The following NDRG1 variants were observed in gnomAD, a reference collection of about 807,000 sequenced individuals.
NDRG1 encodes the protein N-myc downstream regulated 1.
A neutral mutation model predicts 56.9 loss-of-function variants in NDRG1; 32 were observed. The observed-to-expected ratio is 0.56, with a 90% CI of 0.42 to 0.76. The LOEUF (loss-of-function observed/expected upper bound fraction) is 0.76. Ranked by LOEUF, NDRG1 falls within the 30% of genes least tolerant of loss-of-function variation. The pLI is 0.00. For synonymous variants in NDRG1, 211 were observed against 204.1 expected (o/e 1.03, Z -0.29); for missense variants, 507 against 545.7 (o/e 0.93, Z 0.71).
intron 1 of NDRG1, among the ~76,000 whole-genome samples, chr8:133,290,335 C>T (rs1370690799): frequency 6.6e-6 from 1 of 152,186 alleles, no homozygotes; most frequent in African/African-American, 2.4e-5. Context: ...ACCACAAAAA[C>T]AGCACCAGGA....
chr8:133,259,998 G>A (rs977880603), intron 5 of NDRG1, among the ~76,000 whole-genome samples: 1 of 152,212 alleles, frequency 6.6e-6, no homozygotes, highest in Non-Finnish European at 1.5e-5. Flanking sequence ...GAGCCCGTAT[G>A]GTGTGGCTCC....
intron 3 of NDRG1, among the ~76,000 whole-genome samples, chr8:133,269,523 G>C (rs188841198): frequency 1.3e-5 from 2 of 152,136 alleles, no homozygotes; most frequent in Non-Finnish European, 2.9e-5. Context: ...TTAAATACAC[G>C]GAACAACCAT....
rs1564288657 is a variant in NDRG1 at position 133,258,305 on chromosome 8, TCTTC to T, written c.450+57_450+60del. 2.0e-6 allele frequency: 3 copies of T among 1,521,684 alleles called. No individual in the cohort carries two copies. In the African/African-American group the frequency reaches 4.1e-5, roughly 21 times the overall value. 94.3% of individuals were successfully genotyped at this position (1,521,684 alleles called of 1,614,324 possible). ...TTGGGTTTTTGATGCTTTTCCAATG[TCTTC>T]CTTCATCTTAAAATGTTATTTAAAA... On this transcript the variant is annotated intron_variant, in intron 7 of 15. Coordinates refer to ENST00000323851, the MANE Select transcript of NDRG1 (RefSeq NM_006096.4).
At chr8:133,248,824 T>A in intron 10 of NDRG1, 53 bp from the exon 11 acceptor site, 1 of 1,602,500 alleles carries the variant, frequency 6.2e-7, no homozygotes, top group Non-Finnish European at 8.5e-7. Context: ...TGGAGAAATC[T>A]CCCACTCCCA....
At chr8:133,297,001 C>T in intron 1 of NDRG1, 133 bp downstream of exon 1, 1 of 160,620 alleles carries the variant, frequency 6.2e-6, no homozygotes, top group South Asian at 1.4e-4. Flanking sequence ...GGTGACCGCG[C>T]ACTTGCAGCT....
intron 9 of NDRG1, among the ~76,000 whole-genome samples, chr8:133,252,644 C>G (rs576645703): frequency 6.6e-6 from 1 of 151,606 alleles, no homozygotes; most frequent in Non-Finnish European, 1.5e-5. Context: ...CCCTCGTACA[C>G]TCGCCAACTC....
At chr8:133,295,507 C>T (rs114304522) in intron 1 of NDRG1, among the ~76,000 whole-genome samples, 2 of 152,244 alleles carry the variant, frequency 1.3e-5, no homozygotes, top group Non-Finnish European at 2.9e-5. Context: ...CACACAGAAC[C>T]GGTCTGCGTC....
At position 133,237,350 on chromosome 8, in the gene NDRG1, G is replaced by A. The variant is rs538507647; in HGVS notation, c.*1528C>T. 3 of 232,076 alleles carry A rather than the reference G, an allele frequency of 1.3e-5. No individual in the cohort carries two copies. The highest frequency in any genetic ancestry group is 2.2e-5 in the African/African-American group (1 of 45,264). The allele number at this position is 232,076 out of a possible 1,614,324, so 14.4% of individuals were successfully genotyped here. A position where few individuals can be genotyped will look rare whatever the true frequency, so the allele number is the denominator to read the frequency against. On this transcript the variant is annotated 3_prime_UTR_variant, in exon 16 of 16. Transcript: ENST00000323851. ...TCCAAGGTGATGGGCGGCAGGTAAC[G>A]AGTCATTGCCTCTCACGCCACCTGG...
chr8:133,296,495 T>G (rs767287126), intron 1 of NDRG1: 1 of 455,696 alleles, frequency 2.2e-6, no homozygotes, highest in South Asian at 1.5e-5. Context: ...CACACACGCT[T>G]ACACTCACAC....
chr8:133,288,986 C>A (rs1322481054), intron 1 of NDRG1, among the ~76,000 whole-genome samples: 1 of 152,204 alleles, frequency 6.6e-6, no homozygotes, highest in Non-Finnish European at 1.5e-5. Flanking sequence ...CGAAAGGTAG[C>A]CAGGAGCTGG....
At chr8:133,296,550 C>G in intron 1 of NDRG1, 1 of 456,192 alleles carries the variant, frequency 2.2e-6, no homozygotes. Flanking sequence ...GCGCCACCAG[C>G]CTCTCGGATC....
At chr8:133,279,840 C>T (rs1322462566) in intron 3 of NDRG1, among the ~76,000 whole-genome samples, 1 of 152,206 alleles carries the variant, frequency 6.6e-6, no homozygotes, top group Non-Finnish European at 1.5e-5. Context: ...GCCAGTAAAC[C>T]ACAGAGAAGG....
chr8:133,249,248 G>A, intron 10 of NDRG1: 1 of 235,326 alleles, frequency 4.2e-6, no homozygotes, highest in Admixed American at 5.1e-5. Context: ...AAACCCTGTG[G>A]TGGTTTCCCA....
intron 9 of NDRG1, among the ~76,000 whole-genome samples, chr8:133,250,783 C>T (rs992344586): frequency 1.3e-5 from 2 of 152,000 alleles, no homozygotes; most frequent in Non-Finnish European, 2.9e-5. Context: ...GGCCACACCC[C>T]ACCCTTCCAA....
intron 1 of NDRG1, among the ~76,000 whole-genome samples, chr8:133,293,461 G>A (rs1352538223): frequency 6.6e-6 from 1 of 152,150 alleles, no homozygotes; most frequent in Non-Finnish European, 1.5e-5. Flanking sequence ...ACTGGACTCT[G>A]GACAGAAGAG....
Position 133,256,823 on chromosome 8 carries a change from T to C in NDRG1, c.491A>G (p.Asn164Ser), listed in dbSNP as rs1856400751. Reference protein sequence around the residue: ...PEMVEGLVLINVNPCAEGWMD... With the variant: ...PEMVEGLVLISVNPCAEGWMD... Reference sequence around the variant, plus strand: ...CCAGCCTTCCGCACAAGGGTTCACGTTGATAAGGACAAGGCCCTCCACCAT... The same window carrying C: ...CCAGCCTTCCGCACAAGGGTTCACGCTGATAAGGACAAGGCCCTCCACCAT... The change falls in exon 8 of 16, where the codon AAC becomes AGC. Residue 164 changes from asparagine to serine, a missense_variant. Physicochemically the swap from Asn to Ser is conservative, Grantham distance 46 (BLOSUM62 1). Coordinates refer to ENST00000323851, the MANE Select transcript of NDRG1 (RefSeq NM_006096.4). 1 of 1,614,174 alleles carries C rather than the reference T, an allele frequency of 6.2e-7. No homozygotes were observed. The highest frequency in any genetic ancestry group is 8.5e-7 in the Non-Finnish European group (1 of 1,180,028).
chr8:133,245,148 C>T (rs1364603541), intron 13 of NDRG1, among the ~76,000 whole-genome samples: 6 of 152,266 alleles, frequency 3.9e-5, no homozygotes, highest in African/African-American at 9.6e-5. Flanking sequence ...TCAACCAGCA[C>T]GCAGGGAGCA....
intron 4 of NDRG1, among the ~76,000 whole-genome samples, chr8:133,263,929 A>G (rs567053776): frequency 9.9e-5 from 15 of 151,870 alleles, no homozygotes; most frequent in East Asian, 5.8e-4. Context: ...AAAAAAAAAA[A>G]AAAGAAAGAA....
chr8:133,294,806 C>T (rs1457407194), intron 1 of NDRG1, among the ~76,000 whole-genome samples: 1 of 152,200 alleles, frequency 6.6e-6, no homozygotes, highest in Non-Finnish European at 1.5e-5. Flanking sequence ...TCCGCTCTGC[C>T]CCTTTGGCCT....
Sources: gnomAD v4.1 joint callset for allele counts (sites outside exome capture counted in the v4.1 genomes callset) on GRCh38, gnomAD v4.1.1 for gene constraint, MANE v1.5 for transcripts, NCBI Gene and HGNC (gene_info 2026-07-23, HGNC 2026-07-21) for gene names.